The following MAGI3 variants were observed in gnomAD, a reference collection of about 807,000 sequenced individuals.
MAGI3 encodes the protein membrane associated guanylate kinase, WW and PDZ domain containing 3.
MAGI3 carries 43 observed loss-of-function variants against 121.8 expected under a neutral mutation model. That is an observed-to-expected ratio of 0.35 (90% CI 0.28 to 0.46). MAGI3 has a LOEUF of 0.46. Among genes scored for constraint, MAGI3 ranks in the 20% least tolerant of loss-of-function variants. The pLI, the probability that MAGI3 is intolerant of heterozygous loss-of-function variation, is 1.00. For synonymous variants in MAGI3, 553 were observed against 639.3 expected (o/e 0.86, Z 2.04); for missense variants, 1,547 against 1,797.3 (o/e 0.86, Z 2.52).
At chr1:113,588,840 T>C (rs937109649) in intron 4 of MAGI3, among the ~76,000 whole-genome samples, 1 of 152,164 alleles carries the variant, frequency 6.6e-6, no homozygotes, top group African/African-American at 2.4e-5. Flanking sequence ...GTAGCAAATA[T>C]AAACTCTTTC....
At chr1:113,661,383 A>G (rs891296325) in intron 16 of MAGI3, among the ~76,000 whole-genome samples, 1 of 152,218 alleles carries the variant, frequency 6.6e-6, no homozygotes, top group Non-Finnish European at 1.5e-5. Context: ...GGCAGGCACT[A>G]TGGTTTTCCA....
At chr1:113,639,195 C>T (rs796545473) in intron 9 of MAGI3, among the ~76,000 whole-genome samples, 1 of 152,248 alleles carries the variant, frequency 6.6e-6, no homozygotes, top group Middle Eastern at 3.2e-3. Flanking sequence ...CCGAGTGAGG[C>T]AATGCCTCGC....
In MAGI3 at chr1:113,642,484, G is replaced by T; in HGVS notation, c.1934G>T (p.Gly645Val). The change falls in exon 10 of 21, where the codon GGT (glycine) becomes GTT (valine). Residue 645 changes from glycine (G) to valine (V), a missense_variant. By Grantham distance (109) the Gly-to-Val change is moderately radical. Transcript: ENST00000307546. ...GAGGTGCTAAAGCAGTTTCCAGTAG[G>T]TGCTGATGTACCATTGCTTATCTTA... ...VVEVLKQFPVGADVPLLILRG... is the reference protein window; with the variant it reads ...VVEVLKQFPVVADVPLLILRG... The T allele has an allele frequency of 6.2e-7, 1 of 1,613,636 alleles. No individual in the cohort carries two copies. The highest frequency in any genetic ancestry group is 8.5e-7 in the Non-Finnish European group (1 of 1,179,666).
intron 9 of MAGI3, among the ~76,000 whole-genome samples, chr1:113,627,291 A>G (rs1219115123): frequency 6.6e-6 from 1 of 152,000 alleles, no homozygotes; most frequent in Non-Finnish European, 1.5e-5. Context: ...GCAGTTGAGA[A>G]GATACTTGAT....
chr1:113,496,679 C>T (rs759796159), intron 1 of MAGI3, among the ~76,000 whole-genome samples: 7 of 151,976 alleles, frequency 4.6e-5, no homozygotes, highest in Non-Finnish European at 8.8e-5. Flanking sequence ...CCACATTGAG[C>T]CAATTTTCAA....
intron 1 of MAGI3, among the ~76,000 whole-genome samples, chr1:113,427,177 G>A (rs952884188): frequency 6.6e-6 from 1 of 152,164 alleles, no homozygotes; most frequent in Non-Finnish European, 1.5e-5. Context: ...GGGCTCCCAT[G>A]GTTCCCTCTT....
intron 16 of MAGI3, among the ~76,000 whole-genome samples, chr1:113,661,310 G>A (rs1339350337): frequency 2.6e-5 from 4 of 152,168 alleles, no homozygotes; most frequent in Non-Finnish European, 5.9e-5. Context: ...TTTAATAAGT[G>A]TGTACTATGT....
At chr1:113,477,551 G>A (rs529430399) in intron 1 of MAGI3, among the ~76,000 whole-genome samples, 10 of 152,148 alleles carry the variant, frequency 6.6e-5, no homozygotes, top group African/African-American at 2.2e-4. Context: ...GTTGAATATC[G>A]GCCCCCACTG....
At chr1:113,682,872 T>C (rs1316511922) in intron 20 of MAGI3, 25 bp from the exon 21 acceptor site, 2 of 1,525,272 alleles carry the variant, frequency 1.3e-6, no homozygotes. Flanking sequence ...AATTTAATAA[T>C]GTTCCATTCA....
intron 9 of MAGI3, among the ~76,000 whole-genome samples, chr1:113,640,191 C>T (rs962157136): frequency 2.4e-4 from 35 of 148,648 alleles, no homozygotes; most frequent in East Asian, 2.2e-3. Context: ...TATCATCTTA[C>T]GCCAGTCAGA....
At position 113,622,799 on chromosome 1, in the gene MAGI3, G is replaced by A; in HGVS notation, c.1172-7G>A. 1 of 1,560,676 alleles carries A rather than the reference G, an allele frequency of 6.4e-7. No individual in the cohort carries two copies. The highest frequency in any genetic ancestry group is 2.4e-5 in the East Asian group (1 of 41,964). On this transcript the variant is annotated splice_polypyrimidine_tract_variant and splice_region_variant and intron_variant, in intron 8 of 20. Transcript: ENST00000307546. ...TGTTCTCAAACCCACTTCTCATTTTGGCACAGATATGGAAAAATCACACTT... is the reference window on the plus strand; with the variant it reads ...TGTTCTCAAACCCACTTCTCATTTTAGCACAGATATGGAAAAATCACACTT...
At chr1:113,665,615 G>A (rs1185993903) in intron 16 of MAGI3, among the ~76,000 whole-genome samples, 1 of 152,088 alleles carries the variant, frequency 6.6e-6, no homozygotes, top group Non-Finnish European at 1.5e-5. Context: ...TATTTTGGGG[G>A]TGGAGAATAT....
intron 9 of MAGI3, among the ~76,000 whole-genome samples, chr1:113,637,249 T>C (rs1652096594): frequency 1.3e-5 from 2 of 152,220 alleles, no homozygotes; most frequent in African/African-American, 2.4e-5. Context: ...GATATTATTA[T>C]GTGTGAATTT....
At chr1:113,639,835 G>A (rs749370416) in intron 9 of MAGI3, among the ~76,000 whole-genome samples, 5 of 151,808 alleles carry the variant, frequency 3.3e-5, no homozygotes, top group Non-Finnish European at 7.4e-5. Context: ...CCCAAAGTGC[G>A]GGGATTACAG....
intron 1 of MAGI3, among the ~76,000 whole-genome samples, chr1:113,526,413 T>C (rs1658452230): frequency 6.6e-6 from 1 of 152,172 alleles, no homozygotes; most frequent in Non-Finnish European, 1.5e-5. Context: ...AGACAAGGGG[T>C]TAGGGGAAGA....
intron 1 of MAGI3, among the ~76,000 whole-genome samples, chr1:113,441,835 A>AG (rs1160593788): frequency 1.3e-5 from 2 of 152,168 alleles, no homozygotes; most frequent in Non-Finnish European, 2.9e-5. Context: ...TCCTATGAGT[A>AG]CTTCATATGT....
At chr1:113,630,643 G>C (rs919135702) in intron 9 of MAGI3, among the ~76,000 whole-genome samples, 1 of 152,166 alleles carries the variant, frequency 6.6e-6, no homozygotes, top group Non-Finnish European at 1.5e-5. Context: ...GGTTATTCAG[G>C]GCCCAGGGGC....
intron 16 of MAGI3, among the ~76,000 whole-genome samples, chr1:113,670,776 C>T (rs774159801): frequency 2.0e-5 from 3 of 152,062 alleles, no homozygotes; most frequent in Non-Finnish European, 2.9e-5. Context: ...CTGTATTTCC[C>T]CTTTTATAGG....
chr1:113,419,234 G>A (rs1652611388), intron 1 of MAGI3, among the ~76,000 whole-genome samples: 1 of 152,058 alleles, frequency 6.6e-6, no homozygotes, highest in Non-Finnish European at 1.5e-5. Flanking sequence ...TAATTAAGGA[G>A]TCATATGACT....
Sources: allele counts gnomAD v4.1 joint callset (sites outside exome capture counted in the v4.1 genomes callset), GRCh38; gene constraint gnomAD v4.1.1; transcripts MANE v1.5; gene names NCBI Gene and HGNC (gene_info 2026-07-23, HGNC 2026-07-21).